The following LDAH variants were observed in gnomAD, a reference collection of about 807,000 sequenced individuals.
LDAH encodes the protein lipid droplet-associated hydrolase.
LDAH carries 26 observed loss-of-function variants against 29.6 expected under a neutral mutation model. The ratio of observed to expected loss-of-function variants is 0.88; its 90% CI spans 0.64 to 1.22. LDAH has a LOEUF of 1.22. Ranked by LOEUF, LDAH falls within the 50% of genes most tolerant of loss-of-function variation. The pLI is 0.00. For synonymous variants in LDAH, 117 were observed against 133.0 expected, an observed-to-expected ratio of 0.88 and a Z score of 0.83; for missense variants, 344 against 387.3, an observed-to-expected ratio of 0.89 and a Z score of 0.94.
intron 5 of LDAH, among the ~76,000 whole-genome samples, chr2:20,723,612 T>C (rs938018296): frequency 1.8e-4 from 28 of 152,350 alleles, no homozygotes; most frequent in African/African-American, 6.5e-4. Context: ...TTTTTTTTAA[T>C]AGAACACCAG....
chr2:20,743,065 T>C (rs963037903), intron 4 of LDAH, among the ~76,000 whole-genome samples: 4 of 152,072 alleles, frequency 2.6e-5, no homozygotes, highest in Admixed American at 1.3e-4. Flanking sequence ...ACCAGGCCTA[T>C]TTGGTGCACT....
chr2:20,797,888 AC>A (rs535613997), intron 2 of LDAH, among the ~76,000 whole-genome samples: 8 of 152,348 alleles, frequency 5.3e-5, no homozygotes, highest in African/African-American at 1.2e-4. Context: ...AAAAGGGCCC[AC>A]CAAAACCCAA....
intron 5 of LDAH, among the ~76,000 whole-genome samples, chr2:20,724,252 T>C (rs575508103): frequency 4.1e-4 from 62 of 152,358 alleles, no homozygotes; most frequent in African/African-American, 1.4e-3. Context: ...TAGGTATTAA[T>C]AGAACTGATC....
chr2:20,806,397 C>T (rs559752291), intron 1 of LDAH, among the ~76,000 whole-genome samples: 1 of 152,200 alleles, frequency 6.6e-6, no homozygotes, highest in South Asian at 2.1e-4. Context: ...TTCATTAGTG[C>T]TATTCCTAGG....
chr2:20,707,798 C>A (rs1225266636), intron 5 of LDAH, among the ~76,000 whole-genome samples: 1 of 152,232 alleles, frequency 6.6e-6, no homozygotes, highest in African/African-American at 2.4e-5. Context: ...TACTGTGTCA[C>A]ACGGCAGGAG....
chr2:20,716,756 G>GCAC (rs1161307150), intron 5 of LDAH, among the ~76,000 whole-genome samples: 2 of 121,300 alleles, frequency 1.6e-5, no homozygotes, highest in Non-Finnish European at 3.8e-5. Flanking sequence ...GAGTAGAGAA[G>GCAC]CACCCTGGCT....
intron 4 of LDAH, among the ~76,000 whole-genome samples, chr2:20,772,003 A>T (rs1669468205): frequency 6.6e-6 from 1 of 152,210 alleles, no homozygotes; most frequent in Non-Finnish European, 1.5e-5. Flanking sequence ...AAGGCAGGAC[A>T]ATAATTAGAA....
chr2:20,718,261 A>G (rs1256446949), intron 5 of LDAH, among the ~76,000 whole-genome samples: 3 of 152,198 alleles, frequency 2.0e-5, no homozygotes, highest in East Asian at 1.9e-4. Flanking sequence ...TATGCTGCCT[A>G]CAAGAAACTT....
intron 5 of LDAH, among the ~76,000 whole-genome samples, chr2:20,709,760 T>C (rs1037195631): frequency 7.2e-5 from 11 of 152,138 alleles, no homozygotes; most frequent in South Asian, 4.1e-4. Flanking sequence ...TGTCCACCAA[T>C]TGATGAATGG....
chr2:20,799,806 C>A (rs1187152722), intron 2 of LDAH, among the ~76,000 whole-genome samples: 1 of 151,586 alleles, frequency 6.6e-6, no homozygotes, highest in African/African-American at 2.4e-5. Context: ...AAAATATATT[C>A]TGCAGCCAAA....
chr2:20,807,322 A>T (rs1398498591), intron 1 of LDAH, among the ~76,000 whole-genome samples: 1 of 152,146 alleles, frequency 6.6e-6, no homozygotes, highest in Non-Finnish European at 1.5e-5. Flanking sequence ...TTTTACATAC[A>T]GTTGTCCAGA....
At chr2:20,804,657 T>G (rs185018826) in intron 1 of LDAH, among the ~76,000 whole-genome samples, 2 of 152,286 alleles carry the variant, frequency 1.3e-5, no homozygotes, top group African/African-American at 4.8e-5. Flanking sequence ...TGATGTTATA[T>G]TGCCTCTTTC....
intron 2 of LDAH, among the ~76,000 whole-genome samples, chr2:20,792,916 T>A (rs1465104538): frequency 6.6e-6 from 1 of 152,074 alleles, no homozygotes; most frequent in African/African-American, 2.4e-5. Flanking sequence ...ACTTAACATA[T>A]TTTTTTAAAT....
chr2:20,820,969 A>C (rs1673237092), intron 1 of LDAH, among the ~76,000 whole-genome samples: 1 of 150,584 alleles, frequency 6.6e-6, no homozygotes, highest in Non-Finnish European at 1.5e-5. Context: ...ATGAACAGAC[A>C]CTTCTCAAAA....
chr2:20,738,307 ATAC>A (rs2149438308), intron 5 of LDAH, among the ~76,000 whole-genome samples: 1 of 146,320 alleles, frequency 6.8e-6, no homozygotes, highest in Admixed American at 6.7e-5. Context: ...TTCTTGCAAA[ATAC>A]AGTAATTAAG....
chr2:20,763,332 A>C (rs1332231426), intron 4 of LDAH, among the ~76,000 whole-genome samples: 1 of 152,220 alleles, frequency 6.6e-6, no homozygotes, highest in African/African-American at 2.4e-5. Flanking sequence ...TGTCCACAGC[A>C]TTTCAATGCA....
intron 5 of LDAH, among the ~76,000 whole-genome samples, chr2:20,706,435 CATTCTGTCTACTTGA>C (rs1275962999): frequency 1.3e-5 from 2 of 152,162 alleles, no homozygotes; most frequent in East Asian, 3.9e-4. Flanking sequence ...TTGTTCATGG[CATTCTGTCTACTTGA>C]AGTCTTCCCA....
intron 2 of LDAH, among the ~76,000 whole-genome samples, chr2:20,795,630 CT>C (rs1401592918): frequency 6.6e-6 from 1 of 152,060 alleles, no homozygotes; most frequent in Non-Finnish European, 1.5e-5. Context: ...GTTCTTCAAT[CT>C]GTGGATTCTG....
In LDAH at chr2:20,684,106, C is replaced by T. The variant is rs763082387; in HGVS notation, c.*2797G>A. 12 of 152,174 alleles carry T rather than the reference C, an allele frequency of 7.9e-5. No individual in the cohort carries two copies. Among genetic ancestry groups the T allele is most frequent in the Non-Finnish European group, 1.5e-4 (10 of 68,032 alleles). The allele number at this position is 152,174 out of a possible 1,614,324, so 9.4% of individuals were successfully genotyped here. ...CCAAAAAATCTGCAAGTACAAAGAACATTATTTTCCCCTCAACCATCTGAC... is the reference window on the plus strand; with the variant it reads ...CCAAAAAATCTGCAAGTACAAAGAATATTATTTTCCCCTCAACCATCTGAC... On this transcript the variant is annotated 3_prime_UTR_variant, in exon 7 of 7. Transcript: ENST00000237822.
Sources: gnomAD v4.1 joint callset for allele counts (sites outside exome capture counted in the v4.1 genomes callset) on GRCh38, gnomAD v4.1.1 for gene constraint, MANE v1.5 for transcripts, NCBI Gene and HGNC (gene_info 2026-07-23, HGNC 2026-07-21) for gene names.